Variants in PCDHA1 observed in about 807,000 individuals in gnomAD.
PCDHA1 encodes the protein protocadherin alpha 1, also known as protocadherin alpha-1.
Under a neutral mutation model 61.3 loss-of-function variants are expected in PCDHA1, and 42 were observed. That is an observed-to-expected ratio of 0.69 (90% confidence interval 0.54 to 0.89). PCDHA1 has a LOEUF of 0.89. Ranked by LOEUF, PCDHA1 falls within the 40% of genes least tolerant of loss-of-function variation. The pLI, the probability that PCDHA1 is intolerant of heterozygous loss-of-function variation, is 0.00. For missense variants in PCDHA1, 1,256 were observed against 1,235.3 expected (o/e 1.02, Z -0.25); for synonymous variants, 610 against 553.8 (o/e 1.10, Z -1.43).
chr5:140,829,682 C>T (rs1770489810), intron 1 of PCDHA1: 1 of 1,613,140 alleles, frequency 6.2e-7, no homozygotes, highest in Admixed American at 1.7e-5. Flanking sequence ...GCTAGAGCTG[C>T]TGCAGTTTCA....
At chr5:140,851,681 T>C (rs1405649457) in intron 1 of PCDHA1, 22 of 923,332 alleles carry the variant, frequency 2.4e-5, no homozygotes, top group Non-Finnish European at 2.8e-5. Flanking sequence ...ATTTTCTCCA[T>C]TCAGTGATAA....
intron 1 of PCDHA1, among the ~76,000 whole-genome samples, chr5:140,846,117 T>C (rs1780205131): frequency 6.7e-6 from 1 of 149,668 alleles, no homozygotes; most frequent in African/African-American, 2.4e-5. Flanking sequence ...CTATCTTACT[T>C]TGATAGTTGT....
At chr5:140,804,486 A>G (rs2149978699) in intron 1 of PCDHA1, 1 of 152,248 alleles carries the variant, frequency 6.6e-6, no homozygotes, top group East Asian at 1.9e-4. Context: ...TCTTGAAAAT[A>G]ATTATGGTAT....
At chr5:140,789,084 A>G (rs538314680) in intron 1 of PCDHA1, among the ~76,000 whole-genome samples, 4 of 152,382 alleles carry the variant, frequency 2.6e-5, no homozygotes, top group African/African-American at 9.6e-5. Flanking sequence ...TACAGAAATC[A>G]TCTGCCTTCC....
At chr5:140,897,560 T>C (rs1398247980) in intron 1 of PCDHA1, among the ~76,000 whole-genome samples, 1 of 152,200 alleles carries the variant, frequency 6.6e-6, no homozygotes, top group Non-Finnish European at 1.5e-5. Flanking sequence ...GGTGTATATG[T>C]GCCACATTTT....
intron 1 of PCDHA1, among the ~76,000 whole-genome samples, chr5:140,924,643 C>G (rs2081929149): frequency 1.3e-5 from 2 of 152,196 alleles, no homozygotes; most frequent in Admixed American, 1.3e-4. Flanking sequence ...ACCTGTAATC[C>G]CAGCACTTTG....
chr5:140,802,506 G>T (rs533106648), intron 1 of PCDHA1: 2 of 1,614,062 alleles, frequency 1.2e-6, no homozygotes. Context: ...TTCACTGTGG[G>T]CCACGGCCAG....
chr5:140,826,590 A>G (rs2150144335), intron 1 of PCDHA1, among the ~76,000 whole-genome samples: 1 of 152,246 alleles, frequency 6.6e-6, no homozygotes, highest in East Asian at 1.9e-4. Flanking sequence ...AATGGATAAC[A>G]TTAAGGTTAA....
At chr5:140,943,409 T>C (rs1460668622) in intron 1 of PCDHA1, among the ~76,000 whole-genome samples, 1 of 152,078 alleles carries the variant, frequency 6.6e-6, no homozygotes, top group Non-Finnish European at 1.5e-5. Flanking sequence ...AAATTCAGAC[T>C]AGAGGCAAGG....
In PCDHA1 at chr5:140,935,562, C is replaced by T. The variant is rs180759633; in HGVS notation, c.2395-43387C>T. Among the ~76,000 whole-genome samples, 423 of 152,262 alleles carry T rather than the reference C, an allele frequency of 2.8e-3. 2 individuals carry two copies. The highest frequency in any genetic ancestry group is 0.014 in the Middle Eastern group (4 of 294). On this transcript the variant is annotated intron_variant, in intron 1 of 3. Transcript: ENST00000504120. Reference sequence around the variant, plus strand: ...TGTTTTAAAGTATCTTGGAAAAGTTCCTCTCTGTGTAGTTAAGCCACCAGC... The same window carrying T: ...TGTTTTAAAGTATCTTGGAAAAGTTTCTCTCTGTGTAGTTAAGCCACCAGC...
At chr5:140,926,598 G>A (rs2083387215) in intron 1 of PCDHA1, 1 of 313,802 alleles carries the variant, frequency 3.2e-6, no homozygotes. Flanking sequence ...CGGGCGGGCG[G>A]CCTCGTCTCT....
intron 1 of PCDHA1, among the ~76,000 whole-genome samples, chr5:140,937,106 C>G (rs2091337574): frequency 6.7e-6 from 1 of 149,110 alleles, no homozygotes; most frequent in African/African-American, 2.5e-5. Context: ...GGCGCAGTCT[C>G]GGCTCACTGC....
At chr5:140,843,209 G>T (rs2150355357) in intron 1 of PCDHA1, 1 of 1,595,962 alleles carries the variant, frequency 6.3e-7, no homozygotes, top group African/African-American at 1.3e-5. Flanking sequence ...GTACACGGGC[G>T]AGATCAGCAC....
rs1364118007 is a variant in PCDHA1 at position 140,899,089 on chromosome 5, G to T, written c.2395-79860G>T. Among the ~76,000 whole-genome samples the T allele has an allele frequency of 5.3e-5, 8 of 152,134 alleles. No individual in the cohort carries two copies. The East Asian group carries it at 1.5e-3, about 29-fold the overall frequency. On this transcript the variant is annotated intron_variant, in intron 1 of 3. Coordinates refer to ENST00000504120, the MANE Select transcript of PCDHA1 (RefSeq NM_018900.4). ...TGCTTATCAGCTTAAGGAGATTTTG[G>T]GCTGAGATAATGGGGTTTTCTAGAT...
chr5:140,966,280 G>C (rs782249047), intron 1 of PCDHA1: 3 of 365,660 alleles, frequency 8.2e-6, no homozygotes, highest in African/African-American at 4.2e-5. Flanking sequence ...CTGGACAGTG[G>C]GGGTAGGGAG....
Position 140,877,109 on chromosome 5 carries a change from G to A in PCDHA1, c.2394+88425G>A, listed in dbSNP as rs370191624. ...CGCGACGCCGGCGTGCCGCCTCTGG[G>A]CAGCAACGTGACGCTGCAGGTGTTC... is the stretch of plus-strand genomic sequence containing the variant. On this transcript the variant is annotated intron_variant, in intron 1 of 3. Transcript: ENST00000504120. The A allele has an allele frequency of 9.3e-6, 15 of 1,613,472 alleles. No individual in the cohort carries two copies. In the African/African-American group the frequency reaches 1.9e-4, roughly 20 times the overall value.
intron 1 of PCDHA1, chr5:140,848,356 A>C: frequency 9.6e-7 from 1 of 1,038,310 alleles, no homozygotes; most frequent in Non-Finnish European, 1.4e-6. Flanking sequence ...CCCTTTTCCC[A>C]TGGGAAAGAG....
intron 1 of PCDHA1, chr5:140,815,219 T>C (rs1019234983): frequency 5.9e-5 from 9 of 152,144 alleles, no homozygotes; most frequent in Admixed American, 4.6e-4. Flanking sequence ...AACTTACTGT[T>C]GCCTCTTTGT....
At chr5:140,853,125 C>T (rs2150528645) in intron 1 of PCDHA1, 31 of 553,956 alleles carry the variant, frequency 5.6e-5, no homozygotes, top group South Asian at 1.5e-4. Context: ...ATGATCCTCC[C>T]GCCTCAGCCT....
Sources: gnomAD v4.1 joint callset for allele counts (sites outside exome capture counted in the v4.1 genomes callset) on GRCh38, gnomAD v4.1.1 for gene constraint, MANE v1.5 for transcripts, NCBI Gene and HGNC (gene_info 2026-07-23, HGNC 2026-07-21) for gene names.